The following PTPRG variants were observed in gnomAD, a reference collection of about 807,000 sequenced individuals.
PTPRG encodes receptor-type tyrosine-protein phosphatase gamma.
In PTPRG, 102 loss-of-function variants were observed where a neutral mutation model predicts 165.3. The ratio of observed to expected loss-of-function variants is 0.62; its 90% CI spans 0.53 to 0.73. The LOEUF is 0.73. Ranked by LOEUF, PTPRG falls within the 30% of genes least tolerant of loss-of-function variation. PTPRG has a pLI of 0.00. For synonymous variants in PTPRG, 675 were observed against 669.5 expected (o/e 1.01, Z -0.13); for missense variants, 1,866 against 1,861.4 (o/e 1.00, Z -0.05).
intron 2 of PTPRG, among the ~76,000 whole-genome samples, chr3:61,939,325 A>G (rs1012772243): frequency 4.6e-5 from 7 of 152,198 alleles, no homozygotes; most frequent in Non-Finnish European, 8.8e-5. Context: ...TGCCTCCCAT[A>G]AGCTTAGAAA....
At chr3:62,168,643 A>G (rs1274207905) in intron 8 of PTPRG, among the ~76,000 whole-genome samples, 19 of 152,186 alleles carry the variant, frequency 1.2e-4, no homozygotes, top group Admixed American at 1.2e-3. Flanking sequence ...AGGGAGGGGG[A>G]GCACACAGAT....
chr3:61,720,761 A>G lies in PTPRG; in HGVS notation c.86-28117A>G, dbSNP rs140039597. Reference sequence around the variant, plus strand: ...ACTGGAAGAGAGACCTGTATTTCTGATGTAGCTAGATTTCTAAAGCTGACC... The same window carrying G: ...ACTGGAAGAGAGACCTGTATTTCTGGTGTAGCTAGATTTCTAAAGCTGACC... On this transcript the variant is annotated intron_variant, in intron 1 of 29. Transcript: ENST00000474889. Among the ~76,000 whole-genome samples, 520 of 152,290 alleles carry G rather than the reference A, an allele frequency of 3.4e-3. 3 individuals carry two copies. Among genetic ancestry groups the G allele is most frequent in the African/African-American group, 0.011 (472 of 41,536 alleles).
chr3:62,096,201 T>A (rs758977338), intron 5 of PTPRG, among the ~76,000 whole-genome samples: 6 of 152,172 alleles, frequency 3.9e-5, no homozygotes, highest in Non-Finnish European at 8.8e-5. Context: ...GGATTTTATC[T>A]TCTTATATAG....
chr3:62,201,424 C>T lies in PTPRG; in HGVS notation c.1328-81C>T, dbSNP rs1306165062. On this transcript the variant is annotated intron_variant, in intron 10 of 29. Coordinates refer to ENST00000474889, the MANE Select transcript of PTPRG (RefSeq NM_002841.4). ...TGACATGTGAAAATTATATGTAATT[C>T]AGATTTGTGTTCATAAGGAATATCT... 3.6e-6 allele frequency: 4 copies of T among 1,096,114 alleles called. No homozygotes were observed. The East Asian group carries it at 7.5e-5, about 21-fold the overall frequency. The allele number at this position is 1,096,114 out of a possible 1,614,324, so 67.9% of individuals were successfully genotyped here.
At chr3:61,835,891 T>G (rs1243019044) in intron 2 of PTPRG, among the ~76,000 whole-genome samples, 1 of 151,458 alleles carries the variant, frequency 6.6e-6, no homozygotes, top group Non-Finnish European at 1.5e-5. Context: ...AAATGCAAAA[T>G]TAGCCAGGCA....
At chr3:61,706,491 A>AT (rs386355972) in intron 1 of PTPRG, among the ~76,000 whole-genome samples, 1,384 of 137,676 alleles carry the variant, frequency 0.01, 11 homozygotes, top group African/African-American at 0.023. Context: ...TGTGCAAGTA[A>AT]TTTTTTTTTT....
At chr3:61,562,609 C>T (rs1699789097) in intron 1 of PTPRG, among the ~76,000 whole-genome samples, 1 of 141,848 alleles carries the variant, frequency 7.0e-6, no homozygotes, top group South Asian at 2.4e-4. Flanking sequence ...GGCTGGGGGA[C>T]GCGGGGGTCT....
At position 62,219,115 on chromosome 3, in the gene PTPRG, C is replaced by T. The variant is rs1700588213; in HGVS notation, c.2288+132C>T. ...CTTAAGTGTTTCTGGTCTTGCCACCCGGAAGGCCATCTTGTCTCTGTTAGA... is the reference window on the plus strand; with the variant it reads ...CTTAAGTGTTTCTGGTCTTGCCACCTGGAAGGCCATCTTGTCTCTGTTAGA... On this transcript the variant is annotated intron_variant, in intron 13 of 29. Transcript: ENST00000474889. The surrounding 1 kb of genome is among the most constrained non-coding windows in gnomAD (Gnocchi z 4.5). 3.2e-6 allele frequency: 4 copies of T among 1,238,004 alleles called. No homozygotes were observed. Among genetic ancestry groups the T allele is most frequent in the Admixed American group, 2.4e-5 (1 of 42,472 alleles). 76.7% of individuals were successfully genotyped at this position (1,238,004 alleles called of 1,614,324 possible).
At chr3:61,608,955 G>A (rs1360375219) in intron 1 of PTPRG, among the ~76,000 whole-genome samples, 1 of 152,162 alleles carries the variant, frequency 6.6e-6, no homozygotes, top group Non-Finnish European at 1.5e-5. Flanking sequence ...ACTTACATCT[G>A]CCATGGGGGC....
intron 5 of PTPRG, among the ~76,000 whole-genome samples, chr3:62,113,378 C>T (rs944203512): frequency 6.6e-6 from 1 of 152,140 alleles, no homozygotes; most frequent in African/African-American, 2.4e-5. Flanking sequence ...ACCTAGGTTA[C>T]TCTTTGCTGA....
intron 2 of PTPRG, among the ~76,000 whole-genome samples, chr3:61,839,910 T>A (rs939782274): frequency 6.6e-6 from 1 of 152,216 alleles, no homozygotes; most frequent in Non-Finnish European, 1.5e-5. Flanking sequence ...TATTTTGTAA[T>A]CCTAATGCAT....
At chr3:61,715,183 GT>G (rs796135049) in intron 1 of PTPRG, among the ~76,000 whole-genome samples, 178 of 141,432 alleles carry the variant, frequency 1.3e-3, no homozygotes, top group African/African-American at 2.4e-3. Flanking sequence ...TTTTTTCTTT[GT>G]TTTTTTTTTT....
chr3:62,140,569 G>A (rs73096565), intron 6 of PTPRG, among the ~76,000 whole-genome samples: 2,974 of 152,182 alleles, frequency 0.02, 43 homozygotes, highest in Non-Finnish European at 0.029. Context: ...AGGAGGGGCC[G>A]GGTGCAATGG....
rs140036665 is a variant in PTPRG, at chr3:62,094,367, T to A, written c.615+16109T>A. Among the ~76,000 whole-genome samples the A allele has an allele frequency of 1.2e-3, 179 of 152,312 alleles. 1 individual carries two copies. The highest frequency in any genetic ancestry group is 4.1e-3 in the African/African-American group (171 of 41,570). On this transcript the variant is annotated intron_variant, in intron 5 of 29. Transcript: ENST00000474889. ...GACAATACTTAGGACCTAAGACAAT[T>A]AGGACTTTGAGGAAAAGTCTTTTTT...
At chr3:61,826,831 G>GT (rs71629146) in intron 2 of PTPRG, among the ~76,000 whole-genome samples, 8,174 of 133,364 alleles carry the variant, frequency 0.061, 457 homozygotes, top group African/African-American at 0.16. Context: ...AAATGGAAAG[G>GT]TTTTTTTTTT....
intron 28 of PTPRG, among the ~76,000 whole-genome samples, chr3:62,288,723 T>A (rs1048091133): frequency 2.7e-5 from 4 of 148,400 alleles, no homozygotes; most frequent in African/African-American, 7.3e-5. Context: ...GGTGTGATAG[T>A]GTGTTTTCTT....
chr3:61,669,376 C>G (rs576799825), intron 1 of PTPRG, among the ~76,000 whole-genome samples: 1 of 141,798 alleles, frequency 7.1e-6, no homozygotes, highest in African/African-American at 2.5e-5. Context: ...GTACCGGTAT[C>G]AAGAGGCTCA....
chr3:61,871,849 CTCTT>C lies in PTPRG; in HGVS notation c.191-117771_191-117768del, dbSNP rs535643025. ...TTGAAGGAGATCAGTTGCTCCCTCTCTCTTTCTTAGTGTTTCTCAGCAAGACTAT... is the reference window on the plus strand; with the variant it reads ...TTGAAGGAGATCAGTTGCTCCCTCTCTCTTAGTGTTTCTCAGCAAGACTAT... On this transcript the variant is annotated intron_variant, in intron 2 of 29. Coordinates refer to ENST00000474889, the MANE Select transcript of PTPRG (RefSeq NM_002841.4). Among the ~76,000 whole-genome samples the C allele has an allele frequency of 5.9e-5, 9 of 152,266 alleles. No individual in the cohort carries two copies. The East Asian group carries it at 1.5e-3, about 26-fold the overall frequency.
chr3:61,853,524 C>T (rs2037023530), intron 2 of PTPRG, among the ~76,000 whole-genome samples: 1 of 152,186 alleles, frequency 6.6e-6, no homozygotes, highest in Non-Finnish European at 1.5e-5. Flanking sequence ...GGAAATGGAT[C>T]CTCCAGTCCA....
Sources: gnomAD v4.1 joint callset for allele counts (sites outside exome capture counted in the v4.1 genomes callset) on GRCh38, gnomAD v4.1.1 for gene constraint, Gnocchi (gnomAD v3.1) non-coding constraint, MANE v1.5 for transcripts, NCBI Gene and HGNC (gene_info 2026-07-23, HGNC 2026-07-21) for gene names.